Variants in NAV2 observed in about 807,000 individuals in gnomAD.
NAV2 encodes the protein helicase, APC down-regulated 1.
A neutral mutation model predicts 223.2 loss-of-function variants in NAV2; 54 were observed. That is an observed-to-expected ratio of 0.24 (90% confidence interval 0.19 to 0.30). NAV2 has a LOEUF of 0.30. Among genes scored for constraint, NAV2 ranks in the 10% least tolerant of loss-of-function variants. The probability of loss-of-function intolerance (pLI) is 1.00; values close to 1 mark genes in which losing one functional copy is unlikely to be tolerated. For missense variants in NAV2, 2,806 were observed against 3,147.5 expected (o/e 0.89, Z 2.60); for synonymous variants, 1,279 against 1,239.3 (o/e 1.03, Z -0.67).
chr11:19,964,742 C>G (rs1316534346), intron 10 of NAV2, among the ~76,000 whole-genome samples: 1 of 151,596 alleles, frequency 6.6e-6, no homozygotes, highest in Non-Finnish European at 1.5e-5. Context: ...CTCAAGTGAT[C>G]CTCCTGTCTC....
At chr11:20,069,578 A>G (rs2059269217) in intron 22 of NAV2, among the ~76,000 whole-genome samples, 1 of 152,112 alleles carries the variant, frequency 6.6e-6, no homozygotes, top group Non-Finnish European at 1.5e-5. Flanking sequence ...CACAGCTGTG[A>G]CCAGGTGAAG....
intron 1 of NAV2, chr11:19,502,667 A>C (rs2042997742): frequency 6.6e-6 from 1 of 152,218 alleles, no homozygotes; most frequent in South Asian, 2.1e-4. Flanking sequence ...CCCAAAATTT[A>C]GTAGTTTAAG....
intron 1 of NAV2, among the ~76,000 whole-genome samples, chr11:19,404,402 C>T (rs1849809413): frequency 6.6e-6 from 1 of 152,136 alleles, no homozygotes; most frequent in South Asian, 2.1e-4. Flanking sequence ...CTCCTCTCTC[C>T]AGCACCTCAG....
intron 1 of NAV2, among the ~76,000 whole-genome samples, chr11:19,457,427 G>GATCTGACC (rs1851993917): frequency 6.6e-6 from 1 of 152,192 alleles, no homozygotes; most frequent in Non-Finnish European, 1.5e-5. Flanking sequence ...TCTGAGGCAG[G>GATCTGACC]ATCTGACCTA....
At chr11:19,959,096 T>C (rs1272885259) in intron 10 of NAV2, among the ~76,000 whole-genome samples, 1 of 152,204 alleles carries the variant, frequency 6.6e-6, no homozygotes, top group Admixed American at 6.5e-5. Context: ...AAATAGCTGA[T>C]GTCTGTCCTC....
intron 3 of NAV2, among the ~76,000 whole-genome samples, chr11:19,856,495 G>T (rs1038822257): frequency 6.6e-6 from 1 of 152,050 alleles, no homozygotes; most frequent in African/African-American, 2.4e-5. Flanking sequence ...ATATATTCAC[G>T]ATCATCAGTG....
intron 20 of NAV2, 53 bp from the exon 21 acceptor site, chr11:20,068,133 A>G (rs192798991): frequency 1.6e-4 from 244 of 1,526,092 alleles, no homozygotes; most frequent in Middle Eastern, 1.5e-3. Context: ...GGGCTGGACT[A>G]CACTATTCTT....
At chr11:20,079,879 C>T (rs5001561) in intron 24 of NAV2, among the ~76,000 whole-genome samples, 185 bp from the exon 25 acceptor site, 133,509 of 152,056 alleles carry the variant, frequency 0.88, 58,726 homozygotes, top group East Asian at 0.95. Flanking sequence ...TTTAATTGAC[C>T]AAAGAGGGCA....
intron 1 of NAV2, among the ~76,000 whole-genome samples, chr11:19,411,580 T>C (rs772284908): frequency 1.5e-4 from 23 of 152,238 alleles, no homozygotes; most frequent in Non-Finnish European, 2.8e-4. Flanking sequence ...CCTGAGAATG[T>C]TCTAAGGGAT....
At chr11:20,090,053 G>T (rs1313897568) in intron 26 of NAV2, among the ~76,000 whole-genome samples, 1 of 152,166 alleles carries the variant, frequency 6.6e-6, no homozygotes, top group Admixed American at 6.5e-5. Context: ...CAGTGTGGGG[G>T]CTGAGAGAAC....
chr11:19,808,092 CA>C (rs2152801687), intron 1 of NAV2, among the ~76,000 whole-genome samples: 1 of 152,272 alleles, frequency 6.6e-6, no homozygotes, highest in East Asian at 1.9e-4. Context: ...CAGGACTAGT[CA>C]CAGAAACTAA....
intron 1 of NAV2, among the ~76,000 whole-genome samples, chr11:19,619,675 G>C (rs567100308): frequency 1.3e-5 from 2 of 152,092 alleles, no homozygotes; most frequent in African/African-American, 4.8e-5. Context: ...TTGTCAGATG[G>C]GTATATTGCA....
intron 6 of NAV2, among the ~76,000 whole-genome samples, chr11:19,922,130 G>A (rs2044326978): frequency 6.6e-6 from 1 of 152,078 alleles, no homozygotes; most frequent in South Asian, 2.1e-4. Flanking sequence ...ATTGCTCCAG[G>A]GAACCCCAGG....
At chr11:20,077,432 A>G in intron 22 of NAV2, 120 bp from the exon 23 acceptor site, 1 of 676,308 alleles carries the variant, frequency 1.5e-6, no homozygotes, top group Non-Finnish European at 2.6e-6. Flanking sequence ...ATTCAAGAGG[A>G]GGCTGAAAAA....
At chr11:19,722,032 A>C (rs2050786957) in intron 1 of NAV2, among the ~76,000 whole-genome samples, 1 of 152,218 alleles carries the variant, frequency 6.6e-6, no homozygotes, top group African/African-American at 2.4e-5. Flanking sequence ...AGTATTTGTC[A>C]CCGATGCCCC....
intron 31 of NAV2, among the ~76,000 whole-genome samples, chr11:20,098,113 T>C (rs2061400386): frequency 1.3e-5 from 2 of 152,166 alleles, no homozygotes; most frequent in African/African-American, 4.8e-5. Flanking sequence ...CGACTTGCAA[T>C]AGGCTGTAGG....
intron 11 of NAV2, among the ~76,000 whole-genome samples, chr11:20,008,961 C>A (rs2053330008): frequency 6.6e-6 from 1 of 152,206 alleles, no homozygotes; most frequent in South Asian, 2.1e-4. Flanking sequence ...TAAGATCACT[C>A]TAACTACGTT....
chr11:19,856,094 T>A (rs2152992702), intron 3 of NAV2, among the ~76,000 whole-genome samples: 1 of 152,340 alleles, frequency 6.6e-6, no homozygotes, highest in East Asian at 1.9e-4. Flanking sequence ...TTTATCTAGT[T>A]CAACCAAAGA....
intron 1 of NAV2, among the ~76,000 whole-genome samples, chr11:19,800,888 T>A (rs1363660476): frequency 6.6e-6 from 1 of 152,104 alleles, no homozygotes; most frequent in East Asian, 1.9e-4. Context: ...TCAGAAAATT[T>A]CCCCATCCTA....
Sources: gnomAD v4.1 joint callset for allele counts (sites outside exome capture counted in the v4.1 genomes callset) on GRCh38, gnomAD v4.1.1 for gene constraint, MANE v1.5 for transcripts, NCBI Gene and HGNC (gene_info 2026-07-23, HGNC 2026-07-21) for gene names.